SBDS: variants seen among roughly 807,000 people sequenced by gnomAD.
The protein encoded by SBDS is SBDS ribosome maturation factor, also known as ribosome maturation protein SBDS.
In SBDS, 20 loss-of-function variants were observed where a neutral mutation model predicts 26.4. That is an observed-to-expected ratio of 0.76 (90% CI 0.53 to 1.10). The LOEUF (loss-of-function observed/expected upper bound fraction) is 1.10. Ranked by LOEUF, SBDS falls within the 50% of genes least tolerant of loss-of-function variation. The pLI, the probability that SBDS is intolerant of heterozygous loss-of-function variation, is 0.00. For synonymous variants in SBDS, 95 were observed against 105.1 expected, an observed-to-expected ratio of 0.90 and a Z score of 0.59; for missense variants, 241 against 302.0, an observed-to-expected ratio of 0.80 and a Z score of 1.50.
chr7:66,993,087 C>T (rs1435629983), intron 3 of SBDS, 130 bp downstream of exon 3: 1 of 860,496 alleles, frequency 1.2e-6, no homozygotes, highest in Non-Finnish European at 2.0e-6. Context: ...ATCCTCCCAT[C>T]TTGGCTCCCA....
rs1793079056 is a variant in SBDS, at chr7:66,995,299, C to T, written c.119G>A (p.Arg40Gln). ...GGAGGGGGCTACTCACACGCCGCTC[C>T]GCCAGCCGACGACCTTGTTTTTGTA... Reference protein sequence around the residue: ...ACYKNKVVGWRSGVEKDLDEV... With the variant: ...ACYKNKVVGWQSGVEKDLDEV... Residue 40 changes from arginine (R) to glutamine (Q), a missense_variant, in exon 1 of 5, where the codon CGG becomes CAG. Physicochemically the swap from Arg to Gln is conservative, Grantham distance 43 (BLOSUM62 1). Coordinates refer to ENST00000246868, the MANE Select transcript of SBDS (RefSeq NM_016038.4). 6.2e-7 allele frequency: 1 copy of T among 1,613,878 alleles called. No individual in the cohort carries two copies.
At chr7:66,988,586 A>C in intron 4 of SBDS, 87 bp from the exon 5 acceptor site, 1 of 1,461,006 alleles carries the variant, frequency 6.8e-7, no homozygotes, top group Non-Finnish European at 9.5e-7. Context: ...AGGCAAGCAC[A>C]ATGCTGTCCA....
At chr7:66,989,429 C>G (rs1792930888) in intron 4 of SBDS, among the ~76,000 whole-genome samples, 1 of 151,852 alleles carries the variant, frequency 6.6e-6, no homozygotes, top group African/African-American at 2.4e-5. Context: ...CCTGTAATCC[C>G]AGCTACTCGG....
Position 66,995,552 on chromosome 7 carries a change from A to G in SBDS, c.-135T>C. On this transcript the variant is annotated 5_prime_UTR_variant, in exon 1 of 5. Coordinates refer to ENST00000246868, the MANE Select transcript of SBDS (RefSeq NM_016038.4). ...CCAACCACCAGTGCGCGGCGCCGCGACTCACTAGCTTCAGGCAGCCGTCAC... is the reference window on the plus strand; with the variant it reads ...CCAACCACCAGTGCGCGGCGCCGCGGCTCACTAGCTTCAGGCAGCCGTCAC... 1 of 1,302,798 alleles carries G rather than the reference A, an allele frequency of 7.7e-7. No individual in the cohort carries two copies. Among genetic ancestry groups the G allele is most frequent in the South Asian group, 1.3e-5 (1 of 79,382 alleles). 80.7% of individuals were successfully genotyped at this position (1,302,798 alleles called of 1,614,324 possible).
Position 66,995,455 on chromosome 7 carries a change from G to T in SBDS, c.-38C>A. ...AAGACCCAGAAGCCGGCGAACCAGGGCTGACCCGCGCCGTCCAGCCTGAAG... is the reference window on the plus strand; with the variant it reads ...AAGACCCAGAAGCCGGCGAACCAGGTCTGACCCGCGCCGTCCAGCCTGAAG... On this transcript the variant is annotated 5_prime_UTR_variant, in exon 1 of 5. Coordinates refer to ENST00000246868, the MANE Select transcript of SBDS (RefSeq NM_016038.4). 1 of 1,612,372 alleles carries T rather than the reference G, an allele frequency of 6.2e-7. No individual in the cohort carries two copies. The highest frequency in any genetic ancestry group is 2.2e-5 in the East Asian group (1 of 44,872).
Position 66,993,216 on chromosome 7 carries a change from C to T in SBDS, c.459+1G>A. ...TTTTGATGACATGAGAAACCACTCA[C>T]CTGCTGTTTTGTACTCTTGTTGGTT... On this transcript the variant is annotated splice_donor_variant, in intron 3 of 4. Coordinates refer to ENST00000246868, the MANE Select transcript of SBDS (RefSeq NM_016038.4). LOFTEE classifies it high-confidence loss of function. 2 of 1,613,064 alleles carry T rather than the reference C, an allele frequency of 1.2e-6. No homozygotes were observed. The highest frequency in any genetic ancestry group is 1.7e-6 in the Non-Finnish European group (2 of 1,179,128).
In SBDS at chr7:66,994,305, T is replaced by G. The variant is rs529384798; in HGVS notation, c.165A>C (p.Ser55=). Residue 55 remains serine (S), a synonymous_variant, in exon 2 of 5, where the codon TCA becomes TCC. Transcript: ENST00000246868. ...KDLDEVLQTH[S]VFVNVSKGQV... ...GACCTTTAGAAACATTTACAAACACTGAGTGGGTCTGCAGAACTTCATCGA... is the reference window on the plus strand; with the variant it reads ...GACCTTTAGAAACATTTACAAACACGGAGTGGGTCTGCAGAACTTCATCGA... 1 of 1,614,068 alleles carries G rather than the reference T, an allele frequency of 6.2e-7. No homozygotes were observed. The highest frequency in any genetic ancestry group is 1.3e-5 in the African/African-American group (1 of 75,036).
intron 4 of SBDS, among the ~76,000 whole-genome samples, chr7:66,990,802 G>A (rs1792960134): frequency 6.6e-6 from 1 of 152,092 alleles, no homozygotes; most frequent in African/African-American, 2.4e-5. Flanking sequence ...GGATCATGAG[G>A]TCAGGAGATC....
chr7:66,990,427 G>C (rs117664594), intron 4 of SBDS, among the ~76,000 whole-genome samples: 49 of 152,266 alleles, frequency 3.2e-4, no homozygotes, highest in African/African-American at 1.0e-3. Flanking sequence ...TGGCATTTGG[G>C]ATTGTCTTTT....
At chr7:66,991,423 C>T in intron 3 of SBDS, 122 bp from the exon 4 acceptor site, 1 of 723,782 alleles carries the variant, frequency 1.4e-6, no homozygotes, top group Non-Finnish European at 2.2e-6. Flanking sequence ...ACATTAAGAA[C>T]ATAAGTGACC....
rs563528126 is a variant in SBDS, at chr7:66,993,074, G to A, written c.459+143C>T. 20 of 802,490 alleles carry A rather than the reference G, an allele frequency of 2.5e-5. No homozygotes were observed. The African/African-American group carries it at 3.1e-4, about 12-fold the overall frequency. 49.7% of individuals were successfully genotyped at this position (802,490 alleles called of 1,614,324 possible). A position where few individuals can be genotyped will look rare whatever the true frequency, so the allele number is the denominator to read the frequency against. ...TTCCCAGGCTGTTTCCAGGCCTCAA[G>A]CAATCCTCCCATCTTGGCTCCCAAA... is the stretch of plus-strand genomic sequence containing the variant. On this transcript the variant is annotated intron_variant, in intron 3 of 4. Coordinates refer to ENST00000246868, the MANE Select transcript of SBDS (RefSeq NM_016038.4).
At chr7:66,993,153 A>G in intron 3 of SBDS, 64 bp downstream of exon 3, 2 of 1,428,130 alleles carry the variant, frequency 1.4e-6, no homozygotes, top group Non-Finnish European at 2.0e-6. Context: ...CCATTATTTT[A>G]ATGATTTCTT....
intron 2 of SBDS, 126 bp downstream of exon 2, chr7:66,994,086 C>A: frequency 3.6e-6 from 3 of 830,792 alleles, no homozygotes; most frequent in Non-Finnish European, 5.9e-6. Context: ...TTAGAAGTGA[C>A]ACTGTGCAGT....
intron 4 of SBDS, among the ~76,000 whole-genome samples, chr7:66,989,523 C>A (rs1398789184): frequency 6.6e-6 from 1 of 151,810 alleles, no homozygotes; most frequent in African/African-American, 2.4e-5. Flanking sequence ...CTAGCTTGGG[C>A]AATAAGAGTG....
intron 1 of SBDS, 47 bp downstream of exon 1, chr7:66,995,243 G>T: frequency 6.2e-7 from 1 of 1,612,458 alleles, no homozygotes. Flanking sequence ...CGCCTCGGAG[G>T]TGACGGCTCA....
In SBDS at chr7:66,987,996, C is replaced by G; in HGVS notation, c.*375G>C. 3.7e-6 allele frequency: 1 copy of G among 267,030 alleles called. No homozygotes were observed. Among genetic ancestry groups the G allele is most frequent in the Non-Finnish European group, 7.3e-6 (1 of 137,862 alleles). 16.5% of individuals were successfully genotyped at this position (267,030 alleles called of 1,614,324 possible). A position where few individuals can be genotyped will look rare whatever the true frequency, so the allele number is the denominator to read the frequency against. On this transcript the variant is annotated 3_prime_UTR_variant, in exon 5 of 5. Coordinates refer to ENST00000246868, the MANE Select transcript of SBDS (RefSeq NM_016038.4). ...GTTTTCTTTTTTAGGAAAGACCCCC[C>G]CTTTTGTTGTATAGACATACCCCTA...
intron 3 of SBDS, among the ~76,000 whole-genome samples, chr7:66,992,435 T>C (rs1469112586): frequency 6.6e-6 from 1 of 152,132 alleles, no homozygotes; most frequent in African/African-American, 2.4e-5. Flanking sequence ...CCACTTAAAG[T>C]GTACATACTT....
chr7:66,992,735 C>T lies in SBDS; in HGVS notation c.459+482G>A, dbSNP rs1314475637. ...TATTAAAAAATTTAGAGGTAGGGTA[C>T]GGTAGCTGATGCCTGTAATCCCAGC... On this transcript the variant is annotated intron_variant, in intron 3 of 4. Transcript: ENST00000246868. Among the ~76,000 whole-genome samples the T allele has an allele frequency of 5.3e-5, 8 of 151,974 alleles. No individual in the cohort carries two copies. The South Asian group carries it at 8.3e-4, about 16-fold the overall frequency.
chr7:66,994,144 T>C lies in SBDS; in HGVS notation c.258+68A>G, dbSNP rs1793035160. ...TTTCCTCCAGAAAAACAGCCTTTAATGTTTAATATATCTACAAATACGTTA... is the reference window on the plus strand; with the variant it reads ...TTTCCTCCAGAAAAACAGCCTTTAACGTTTAATATATCTACAAATACGTTA... On this transcript the variant is annotated intron_variant, in intron 2 of 4. Transcript: ENST00000246868. 6.6e-6 allele frequency: 10 copies of C among 1,515,682 alleles called. No homozygotes were observed. In the Admixed American group the frequency reaches 1.7e-4, roughly 25 times the overall value. 93.9% of individuals were successfully genotyped at this position (1,515,682 alleles called of 1,614,324 possible). A position where few individuals can be genotyped will look rare whatever the true frequency, so the allele number is the denominator to read the frequency against.
Sources: allele counts gnomAD v4.1 joint callset (sites outside exome capture counted in the v4.1 genomes callset), GRCh38; gene constraint gnomAD v4.1.1; transcripts MANE v1.5; gene names NCBI Gene and HGNC (gene_info 2026-07-23, HGNC 2026-07-21).